The following OSBPL3 variants were observed in gnomAD, a reference collection of about 807,000 sequenced individuals.
OSBPL3 encodes the protein oxysterol binding protein like 3.
In OSBPL3, 65 loss-of-function variants were observed where a neutral mutation model predicts 120.1. The ratio of observed to expected loss-of-function variants is 0.54; its 90% CI spans 0.44 to 0.67. The LOEUF is 0.67. OSBPL3 is among the 30% of genes least tolerant of loss of function. The pLI is 0.00. For synonymous variants in OSBPL3, 416 were observed against 402.6 expected (o/e 1.03, Z -0.40); for missense variants, 1,004 against 1,082.1 (o/e 0.93, Z 1.01).
In OSBPL3 at chr7:24,945,818, T is replaced by C. The variant is rs138455732; in HGVS notation, c.-150+34068A>G. Among the ~76,000 whole-genome samples the C allele has an allele frequency of 6.5e-3, 996 of 152,330 alleles. 9 individuals carry two copies. The highest frequency in any genetic ancestry group is 0.023 in the African/African-American group (956 of 41,574). On this transcript the variant is annotated intron_variant, in intron 1 of 22. Coordinates refer to ENST00000313367, the MANE Select transcript of OSBPL3 (RefSeq NM_015550.4). Reference sequence around the variant, plus strand: ...GGCTCTGTTCAAAGAAAGAATACAGTGGAGAATACATTTTAGAGTGATGCA... The same window carrying C: ...GGCTCTGTTCAAAGAAAGAATACAGCGGAGAATACATTTTAGAGTGATGCA...
chr7:24,950,522 A>C (rs1026048816), intron 1 of OSBPL3, among the ~76,000 whole-genome samples: 1 of 152,252 alleles, frequency 6.6e-6, no homozygotes, highest in Non-Finnish European at 1.5e-5. Flanking sequence ...GGAGATCGAA[A>C]CCATCCTGGC....
rs1184980647 is a variant in OSBPL3, at chr7:24,918,660, A to G, written c.-149-26039T>C. Among the ~76,000 whole-genome samples, 13 of 152,238 alleles carry G rather than the reference A, an allele frequency of 8.5e-5. No homozygotes were observed. Among genetic ancestry groups the G allele is most frequent in the Non-Finnish European group, 1.9e-4 (13 of 68,046 alleles). On this transcript the variant is annotated intron_variant, in intron 1 of 22. Transcript: ENST00000313367. This position sits in a 1 kb window ranked among gnomAD's most constrained non-coding sequence, Gnocchi z 4.3. ...CTTAACAAATGTTCACTAATCACTT[A>G]CCATTGGTCAGGCACAGTTTTAGAC...
rs144983713 is a variant in OSBPL3 at position 24,957,150 on chromosome 7, A to G, written c.-150+22736T>C. Among the ~76,000 whole-genome samples the G allele has an allele frequency of 3.0e-4, 46 of 151,866 alleles. No individual in the cohort carries two copies. In the East Asian group the frequency reaches 4.1e-3, roughly 13 times the overall value. Reference sequence around the variant, plus strand: ...GCTTCCAATAAGAGAGGAATTTAATACTCTAAAAGAAGGGGGCCAATACTA... The same window carrying G: ...GCTTCCAATAAGAGAGGAATTTAATGCTCTAAAAGAAGGGGGCCAATACTA... On this transcript the variant is annotated intron_variant, in intron 1 of 22. Transcript: ENST00000313367.
chr7:24,892,423 G>A lies in OSBPL3; in HGVS notation c.50C>T (p.Pro17Leu). The A allele has an allele frequency of 1.9e-6, 3 of 1,613,766 alleles. No individual in the cohort carries two copies. Among genetic ancestry groups the A allele is most frequent in the Admixed American group, 1.7e-5 (1 of 60,016 alleles). Reference sequence around the variant, plus strand: ...AGAGCAGCTACTTGTGCTCCTTGAAGGTGATACCAATTTTTGGGACACACC... The same window carrying A: ...AGAGCAGCTACTTGTGCTCCTTGAAAGTGATACCAATTTTTGGGACACACC... The part of the protein sequence containing the change: ...NLGVSQKLVS[P>L]SRSTSSCSSK... Residue 17 changes from proline to leucine, a missense_variant, in exon 2 of 23, where the codon CCT becomes CTT. This residue lies in a region of OSBPL3 where 255 missense variants were observed against 248.7 expected (regional missense o/e 1.03). Transcript: ENST00000313367.
In OSBPL3 at chr7:24,863,387, A is replaced by C; in HGVS notation, c.778-95T>G. 7.2e-7 allele frequency: 1 copy of C among 1,392,224 alleles called. No individual in the cohort carries two copies. Among genetic ancestry groups the C allele is most frequent in the Non-Finnish European group, 1.0e-6 (1 of 978,250 alleles). The allele number at this position is 1,392,224 out of a possible 1,614,324, so 86.2% of individuals were successfully genotyped here. On this transcript the variant is annotated intron_variant, in intron 8 of 22. Transcript: ENST00000313367. This position sits in a 1 kb window ranked among gnomAD's most constrained non-coding sequence, Gnocchi z 5.8. ...CAAAGTGACCACCTCCATCCCCTTG[A>C]CTTTGGCTGAAGCAACTGACCACAG...
chr7:24,952,614 C>T lies in OSBPL3; in HGVS notation c.-150+27272G>A, dbSNP rs931245675. ...CTCAAATTTATCATGTATCTCAATACGGTTCATGCCAGGCATATGTATATT... is the reference window on the plus strand; with the variant it reads ...CTCAAATTTATCATGTATCTCAATATGGTTCATGCCAGGCATATGTATATT... On this transcript the variant is annotated intron_variant, in intron 1 of 22. Transcript: ENST00000313367. The surrounding 1 kb of genome is among the most constrained non-coding windows in gnomAD (Gnocchi z 4.4). Among the ~76,000 whole-genome samples, 4 of 152,200 alleles carry T rather than the reference C, an allele frequency of 2.6e-5. No individual in the cohort carries two copies. Among genetic ancestry groups the T allele is most frequent in the South Asian group, 2.1e-4 (1 of 4,830 alleles).
chr7:24,860,524 C>T lies in OSBPL3; in HGVS notation c.1027+1089G>A, dbSNP rs184016775. On this transcript the variant is annotated intron_variant, in intron 10 of 22. Transcript: ENST00000313367. ...GCTTTAATTCTCTCTTGCCTGCCACCATGTAAGACATGCTTTTCGTCATCT... is the reference window on the plus strand; with the variant it reads ...GCTTTAATTCTCTCTTGCCTGCCACTATGTAAGACATGCTTTTCGTCATCT... Among the ~76,000 whole-genome samples the T allele has an allele frequency of 2.0e-5, 3 of 152,288 alleles. No homozygotes were observed. In the East Asian group the frequency reaches 5.8e-4, roughly 29 times the overall value.
Position 24,936,912 on chromosome 7 carries a change from C to T in OSBPL3, c.-150+42974G>A, listed in dbSNP as rs1043822648. Among the ~76,000 whole-genome samples, 1 of 151,996 alleles carries T rather than the reference C, an allele frequency of 6.6e-6. No individual in the cohort carries two copies. Among genetic ancestry groups the T allele is most frequent in the African/African-American group, 2.4e-5 (1 of 41,356 alleles). ...TTATTGAGCTCTTAAAACTATATAC[C>T]GGGTGAAAAACAATGAGGTCCTGAC... On this transcript the variant is annotated intron_variant, in intron 1 of 22. Coordinates refer to ENST00000313367, the MANE Select transcript of OSBPL3 (RefSeq NM_015550.4). The surrounding 1 kb of genome is among the most constrained non-coding windows in gnomAD (Gnocchi z 4.2).
chr7:24,944,175 T>C lies in OSBPL3; in HGVS notation c.-150+35711A>G, dbSNP rs117347933. On this transcript the variant is annotated intron_variant, in intron 1 of 22. Coordinates refer to ENST00000313367, the MANE Select transcript of OSBPL3 (RefSeq NM_015550.4). Reference sequence around the variant, plus strand: ...CTTGAAGAGATTACTGGATTCTTCATATTCTAAAATAAGATGTCTGGTTAC... The same window carrying C: ...CTTGAAGAGATTACTGGATTCTTCACATTCTAAAATAAGATGTCTGGTTAC... Among the ~76,000 whole-genome samples the C allele has an allele frequency of 7.6e-3, 1,155 of 152,184 alleles. 4 individuals carry two copies. Among genetic ancestry groups the C allele is most frequent in the Non-Finnish European group, 0.012 (843 of 68,002 alleles).
In OSBPL3 at chr7:24,933,160, G is replaced by A. The variant is rs370977499; in HGVS notation, c.-149-40539C>T. On this transcript the variant is annotated intron_variant, in intron 1 of 22. Transcript: ENST00000313367. The surrounding 1 kb of genome is among the most constrained non-coding windows in gnomAD (Gnocchi z 5.1). ...TGGGACCCAGCTGAGAGGGGGGTTCGCTGCTCAAGGTTAAAATGGGGAATA... is the reference window on the plus strand; with the variant it reads ...TGGGACCCAGCTGAGAGGGGGGTTCACTGCTCAAGGTTAAAATGGGGAATA... 5.9e-5 allele frequency among the ~76,000 whole-genome samples: 9 copies of A among 152,264 alleles called. No homozygotes were observed. In the East Asian group the frequency reaches 1.5e-3, roughly 26 times the overall value.
At chr7:24,977,197 T>A (rs750952423) in intron 1 of OSBPL3, among the ~76,000 whole-genome samples, 15 of 152,334 alleles carry the variant, frequency 9.8e-5, no homozygotes, top group South Asian at 4.1e-4. Context: ...TAGATTTAGA[T>A]GAAAGGAGGA....
rs115409629 is a variant in OSBPL3 at position 24,811,262 on chromosome 7, C to T, written c.2173-1311G>A. On this transcript the variant is annotated intron_variant, in intron 19 of 22. Transcript: ENST00000313367. ...CATTGTGGTTTCAATTTGCATTTCC[C>T]TGATGATTACTGATGTTCATCATTT... Among the ~76,000 whole-genome samples, 563 of 152,274 alleles carry T rather than the reference C, an allele frequency of 3.7e-3. 4 individuals are homozygous for T. The highest frequency in any genetic ancestry group is 0.013 in the African/African-American group (535 of 41,544).
In OSBPL3 at chr7:24,869,345, G is replaced by A. The variant is rs991082347; in HGVS notation, c.381+1387C>T. On this transcript the variant is annotated intron_variant, in intron 5 of 22. Coordinates refer to ENST00000313367, the MANE Select transcript of OSBPL3 (RefSeq NM_015550.4). ...CAAAATACAGAACTAAGATTCATTG[G>A]AAGTACCTGAAGAAATAACCTAAAC... is the stretch of plus-strand genomic sequence containing the variant. Among the ~76,000 whole-genome samples the A allele has an allele frequency of 1.9e-3, 285 of 152,258 alleles. 4 individuals are homozygous for A. The highest frequency in any genetic ancestry group is 1.1e-3 in the Non-Finnish European group (75 of 68,022).
At chr7:24,935,930 T>C (rs1006868655) in intron 1 of OSBPL3, among the ~76,000 whole-genome samples, 9 of 152,098 alleles carry the variant, frequency 5.9e-5, no homozygotes, top group Non-Finnish European at 7.4e-5. Flanking sequence ...ATGTGCACAA[T>C]GTGCAGGTTA....
intron 1 of OSBPL3, among the ~76,000 whole-genome samples, chr7:24,893,937 G>A (rs1178337127): frequency 1.3e-5 from 2 of 152,120 alleles, no homozygotes; most frequent in African/African-American, 2.4e-5. Flanking sequence ...CTAAGTTCAA[G>A]TAAATTCTAC....
Position 24,797,974 on chromosome 7 carries a change from T to C in OSBPL3, c.*2209A>G, listed in dbSNP as rs1457756438. 6.6e-6 allele frequency: 1 copy of C among 152,248 alleles called. No homozygotes were observed. Among genetic ancestry groups the C allele is most frequent in the African/African-American group, 2.4e-5 (1 of 41,472 alleles). 9.4% of individuals were successfully genotyped at this position (152,248 alleles called of 1,614,324 possible). ...AGTCATTTCCCCCTCAAGATAGTTT[T>C]AAGCTTATAATATCAGGATGCATCA... On this transcript the variant is annotated 3_prime_UTR_variant, in exon 23 of 23. Transcript: ENST00000313367. The surrounding 1 kb of genome is among the most constrained non-coding windows in gnomAD (Gnocchi z 4.8).
intron 12 of OSBPL3, 95 bp from the exon 13 acceptor site, chr7:24,842,508 GGCCCAT>G: frequency 1.1e-6 from 1 of 938,936 alleles, no homozygotes; most frequent in Non-Finnish European, 1.6e-6. Context: ...CAAGGTCACA[GGCCCAT>G]GCAAATAAGC....
intron 1 of OSBPL3, among the ~76,000 whole-genome samples, chr7:24,926,453 T>A (rs1481744826): frequency 6.6e-6 from 1 of 152,178 alleles, no homozygotes; most frequent in African/African-American, 2.4e-5. Context: ...TTGAAATGCA[T>A]ACGATTGAGG....
At chr7:24,892,334 G>C in intron 2 of OSBPL3, 43 bp downstream of exon 2, 1 of 1,594,184 alleles carries the variant, frequency 6.3e-7, no homozygotes, top group East Asian at 2.2e-5. Context: ...CAAACTTGAT[G>C]GCTTACATTT....
Sources: allele counts gnomAD v4.1 joint callset (sites outside exome capture counted in the v4.1 genomes callset), GRCh38; gene constraint gnomAD v4.1.1; regional missense constraint gnomAD v4.1.1; non-coding constraint Gnocchi (gnomAD v3.1); transcripts MANE v1.5; gene names NCBI Gene and HGNC (gene_info 2026-07-23, HGNC 2026-07-21).